The following GALNTL6 variants were observed in gnomAD, a reference collection of about 807,000 sequenced individuals.
GALNTL6 encodes the protein polypeptide N-acetylgalactosaminyltransferase like 6.
In GALNTL6, 46 loss-of-function variants were observed where a neutral mutation model predicts 73.7. The ratio of observed to expected loss-of-function variants is 0.62; its 90% confidence interval spans 0.49 to 0.80. GALNTL6 has a LOEUF of 0.80. GALNTL6 is among the 30% of genes least tolerant of loss of function. GALNTL6 has a pLI of 0.00. For synonymous variants in GALNTL6, 259 were observed against 263.7 expected (o/e 0.98, Z 0.17); for missense variants, 604 against 755.0 (o/e 0.80, Z 2.34).
At chr4:172,769,877 T>TA (rs1430823599) in intron 5 of GALNTL6, among the ~76,000 whole-genome samples, 1 of 152,234 alleles carries the variant, frequency 6.6e-6, no homozygotes, top group African/African-American at 2.4e-5. Context: ...ACTTTTCTCT[T>TA]ACAGTGTAAC....
At chr4:171,863,500 T>C (rs550170622) in intron 2 of GALNTL6, among the ~76,000 whole-genome samples, 1 of 152,322 alleles carries the variant, frequency 6.6e-6, no homozygotes, top group East Asian at 1.9e-4. Context: ...GGCTCTAGTT[T>C]TTTGCCTTCA....
At chr4:172,018,671 C>G (rs1450851882) in intron 2 of GALNTL6, among the ~76,000 whole-genome samples, 1 of 152,132 alleles carries the variant, frequency 6.6e-6, no homozygotes, top group African/African-American at 2.4e-5. Context: ...TAGGCCACAT[C>G]TCTCCCAATT....
chr4:171,989,610 T>C (rs899323958), intron 2 of GALNTL6, among the ~76,000 whole-genome samples: 1 of 152,198 alleles, frequency 6.6e-6, no homozygotes, highest in Non-Finnish European at 1.5e-5. Context: ...AGGCAAGGAA[T>C]TGCAACTCAG....
chr4:172,976,007 C>A (rs1368087894), intron 10 of GALNTL6, among the ~76,000 whole-genome samples: 1 of 152,050 alleles, frequency 6.6e-6, no homozygotes, highest in Admixed American at 6.5e-5. Context: ...GGAGCTCCGC[C>A]CGCTTAACTC....
intron 10 of GALNTL6, among the ~76,000 whole-genome samples, chr4:173,007,498 C>T (rs565428389): frequency 6.6e-6 from 1 of 152,106 alleles, no homozygotes; most frequent in African/African-American, 2.4e-5. Flanking sequence ...ATTGGCGAAA[C>T]CTTCAAGCAG....
At chr4:171,863,793 T>C (rs776365202) in intron 2 of GALNTL6, among the ~76,000 whole-genome samples, 1 of 152,158 alleles carries the variant, frequency 6.6e-6, no homozygotes, top group Non-Finnish European at 1.5e-5. Flanking sequence ...GTTTTACTCT[T>C]GTCGCCCAAG....
rs549793654 is a variant in GALNTL6 at position 172,176,827 on chromosome 4, G to C, written c.139-52829G>C. Among the ~76,000 whole-genome samples, 4 of 152,166 alleles carry C rather than the reference G, an allele frequency of 2.6e-5. No individual in the cohort carries two copies. In the East Asian group the frequency reaches 7.7e-4, roughly 29 times the overall value. On this transcript the variant is annotated intron_variant, in intron 2 of 12. Transcript: ENST00000506823. ...ATAAAAAAGTAGCCATTTTCATGTT[G>C]TTATGAAACCTAGTTAGAGCTCTTC... is the stretch of plus-strand genomic sequence containing the variant.
chr4:172,939,358 A>C (rs1256591243), intron 9 of GALNTL6, among the ~76,000 whole-genome samples: 1 of 152,222 alleles, frequency 6.6e-6, no homozygotes, highest in African/African-American at 2.4e-5. Context: ...TTTTATTTTA[A>C]AAATCAAGGC....
At chr4:171,907,553 A>C (rs1419264966) in intron 2 of GALNTL6, among the ~76,000 whole-genome samples, 1 of 152,072 alleles carries the variant, frequency 6.6e-6, no homozygotes, top group Non-Finnish European at 1.5e-5. Flanking sequence ...CAATATCGTG[A>C]AAATGGCCAT....
chr4:172,132,270 A>G (rs1396219031), intron 2 of GALNTL6, among the ~76,000 whole-genome samples: 2 of 152,128 alleles, frequency 1.3e-5, no homozygotes, highest in African/African-American at 4.8e-5. Context: ...AATTTTCTTT[A>G]TATCAGTGGT....
chr4:172,995,733 C>A (rs1162336797), intron 10 of GALNTL6, among the ~76,000 whole-genome samples: 1 of 152,180 alleles, frequency 6.6e-6, no homozygotes, highest in African/African-American at 2.4e-5. Flanking sequence ...TAAACTTGTT[C>A]ATCTCCTAAG....
At chr4:172,353,048 C>G (rs182521839) in intron 5 of GALNTL6, among the ~76,000 whole-genome samples, 48 of 152,238 alleles carry the variant, frequency 3.2e-4, no homozygotes, top group Non-Finnish European at 5.7e-4. Flanking sequence ...TGCAGACTCT[C>G]AGTCCTCACC....
At chr4:172,561,374 AC>A (rs1224338056) in intron 5 of GALNTL6, among the ~76,000 whole-genome samples, 3 of 151,230 alleles carry the variant, frequency 2.0e-5, no homozygotes, top group Non-Finnish European at 4.4e-5. Context: ...CCTAATCCTT[AC>A]CCCCTGTTCT....
intron 5 of GALNTL6, among the ~76,000 whole-genome samples, chr4:172,493,621 TA>T (rs1210893145): frequency 6.6e-6 from 1 of 151,990 alleles, no homozygotes; most frequent in Non-Finnish European, 1.5e-5. Flanking sequence ...AACTGACCTT[TA>T]AAAAAAACTT....
At chr4:172,272,792 T>C (rs1222927804) in intron 3 of GALNTL6, among the ~76,000 whole-genome samples, 1 of 152,156 alleles carries the variant, frequency 6.6e-6, no homozygotes, top group Non-Finnish European at 1.5e-5. Context: ...CCAATATATG[T>C]AAGAAATATC....
intron 9 of GALNTL6, among the ~76,000 whole-genome samples, chr4:172,950,094 C>G (rs1561051230): frequency 6.6e-6 from 1 of 152,112 alleles, no homozygotes; most frequent in Admixed American, 6.5e-5. Flanking sequence ...AGTACAGTGC[C>G]ATCCCACAGC....
At chr4:172,675,568 A>G (rs917053260) in intron 5 of GALNTL6, among the ~76,000 whole-genome samples, 38 of 152,228 alleles carry the variant, frequency 2.5e-4, no homozygotes, top group African/African-American at 8.0e-4. Flanking sequence ...ACAAGCAAGA[A>G]TGATTGCCCT....
chr4:172,382,693 C>T (rs1743326325), intron 5 of GALNTL6, among the ~76,000 whole-genome samples: 1 of 151,978 alleles, frequency 6.6e-6, no homozygotes, highest in Admixed American at 6.6e-5. Context: ...CAAAGTTTCC[C>T]GTATGTTCTC....
chr4:172,005,475 A>G (rs1400843999), intron 2 of GALNTL6, among the ~76,000 whole-genome samples: 2 of 152,150 alleles, frequency 1.3e-5, no homozygotes, highest in Non-Finnish European at 2.9e-5. Context: ...AAAACAGGAA[A>G]AGAGTAAGAG....
Sources: gnomAD v4.1 joint callset for allele counts (sites outside exome capture counted in the v4.1 genomes callset) on GRCh38, gnomAD v4.1.1 for gene constraint, MANE v1.5 for transcripts, NCBI Gene and HGNC (gene_info 2026-07-23, HGNC 2026-07-21) for gene names.